The following ANKRD62 variants were observed in gnomAD, a reference collection of about 807,000 sequenced individuals.
ANKRD62 encodes ankyrin repeat domain 62.
A neutral mutation model predicts 98.8 loss-of-function variants in ANKRD62; 61 were observed. The observed-to-expected ratio is 0.62, with a 90% CI of 0.50 to 0.76. The LOEUF (loss-of-function observed/expected upper bound fraction) is 0.76, where lower values mean the gene tolerates loss of function less well. ANKRD62 is among the 30% of genes least tolerant of loss of function. The pLI, the probability that ANKRD62 is intolerant of heterozygous loss-of-function variation, is 0.00. For missense variants in ANKRD62, 933 were observed against 1,082.9 expected, an observed-to-expected ratio of 0.86 and a Z score of 1.94; for synonymous variants, 341 against 367.9, an observed-to-expected ratio of 0.93 and a Z score of 0.84.
chr18:12,136,026 A>G, the ANKRD62 span, among the ~76,000 whole-genome samples: 163 of 152,146 alleles, frequency 1.1e-3, no homozygotes, highest in African/African-American at 3.8e-3. Flanking sequence ...TTCTTTTGCT[A>G]TGCAGAAGCT....
chr18:12,140,440 C>T, the ANKRD62 span, among the ~76,000 whole-genome samples: 7 of 151,906 alleles, frequency 4.6e-5, no homozygotes, highest in Non-Finnish European at 7.4e-5. Flanking sequence ...TTAAAGTTTC[C>T]GGTTTTTCTG....
At chr18:12,101,820 C>G (rs1030120078) in intron 6 of ANKRD62, among the ~76,000 whole-genome samples, 4 of 152,188 alleles carry the variant, frequency 2.6e-5, no homozygotes, top group African/African-American at 9.6e-5. Context: ...TAATTCCTCT[C>G]AAACCTTTTC....
chr18:12,123,004 CAGAGT>C (rs1390577253), intron 11 of ANKRD62, among the ~76,000 whole-genome samples: 2 of 150,102 alleles, frequency 1.3e-5, no homozygotes, highest in Non-Finnish European at 3.0e-5. Flanking sequence ...TTTCTCCACC[CAGAGT>C]AATTATTTTT....
chr18:12,171,921 C>A, the ANKRD62 span, among the ~76,000 whole-genome samples: 2 of 152,184 alleles, frequency 1.3e-5, no homozygotes, highest in African/African-American at 4.8e-5. Context: ...TCCACTTGAT[C>A]GAATTGGCCA....
At position 12,115,977 on chromosome 18, in the gene ANKRD62, A is replaced by G. The variant is rs79308774; in HGVS notation, c.1240+443A>G. Among the ~76,000 whole-genome samples, 543 of 152,256 alleles carry G rather than the reference A, an allele frequency of 3.6e-3. 2 individuals are homozygous for G. The highest frequency in any genetic ancestry group is 0.012 in the African/African-American group (507 of 41,564). On this transcript the variant is annotated intron_variant, in intron 10 of 13. Transcript: ENST00000587848. ...CACCCAACTGCCACTTGTCATTGCT[A>G]TAAGGTAAAGATGACAATGCTCTAG...
the ANKRD62 span, among the ~76,000 whole-genome samples, chr18:12,141,017 T>A: frequency 6.6e-6 from 1 of 152,120 alleles, no homozygotes; most frequent in Non-Finnish European, 1.5e-5. Flanking sequence ...TCGAGCTTCC[T>A]GGCTGCTTTG....
chr18:12,099,981 T>G (rs1378360284), intron 6 of ANKRD62, among the ~76,000 whole-genome samples: 1 of 152,164 alleles, frequency 6.6e-6, no homozygotes, highest in Non-Finnish European at 1.5e-5. Context: ...TATGTTTTCT[T>G]TATAGTCACC....
At chr18:12,163,080 C>G in the ANKRD62 span, among the ~76,000 whole-genome samples, 5 of 152,172 alleles carry the variant, frequency 3.3e-5, no homozygotes, top group African/African-American at 1.2e-4. Flanking sequence ...AGAGGGATTG[C>G]ATTGAATCTG....
At chr18:12,139,236 CTGG>C in the ANKRD62 span, among the ~76,000 whole-genome samples, 4 of 152,126 alleles carry the variant, frequency 2.6e-5, no homozygotes, top group African/African-American at 9.7e-5. Context: ...TAGGGCAGGC[CTGG>C]TGGTGACAAA....
downstream of ANKRD62, among the ~76,000 whole-genome samples, chr18:12,132,719 G>T (rs1910023550): frequency 6.6e-6 from 1 of 151,876 alleles, no homozygotes; most frequent in Non-Finnish European, 1.5e-5. Flanking sequence ...TGCTTTTTCT[G>T]CATCTAATAC....
intron 8 of ANKRD62, among the ~76,000 whole-genome samples, chr18:12,110,000 GCA>G (rs1458345530): frequency 6.7e-6 from 1 of 150,244 alleles, no homozygotes; most frequent in Non-Finnish European, 1.5e-5. Flanking sequence ...GCTGAATTTG[GCA>G]CACACTATTA....
chr18:12,151,298 G>A, the ANKRD62 span, among the ~76,000 whole-genome samples: 1,683 of 152,288 alleles, frequency 0.011, 22 homozygotes, highest in Middle Eastern at 0.058. Flanking sequence ...CGAGTTCTTA[G>A]AGATCTACAA....
At chr18:12,152,685 C>T in the ANKRD62 span, among the ~76,000 whole-genome samples, 1 of 152,092 alleles carries the variant, frequency 6.6e-6, no homozygotes, top group Admixed American at 6.6e-5. Flanking sequence ...ACAAGGATAC[C>T]CTCTCTCACC....
At chr18:12,162,978 G>A in the ANKRD62 span, among the ~76,000 whole-genome samples, 1 of 152,052 alleles carries the variant, frequency 6.6e-6, no homozygotes, top group South Asian at 2.1e-4. Context: ...TGTTTACTTA[G>A]GATAGCTTTG....
At chr18:12,163,380 G>T in the ANKRD62 span, among the ~76,000 whole-genome samples, 1 of 151,984 alleles carries the variant, frequency 6.6e-6, no homozygotes, top group Non-Finnish European at 1.5e-5. Flanking sequence ...CAATTTGTTT[G>T]TCAGTTCTAA....
chr18:12,099,715 G>T, intron 6 of ANKRD62, 33 bp downstream of exon 6: 1 of 1,269,130 alleles, frequency 7.9e-7, no homozygotes, highest in Non-Finnish European at 1.0e-6. Context: ...CCTCTCGATG[G>T]TCCTGTCATA....
the ANKRD62 span, among the ~76,000 whole-genome samples, chr18:12,162,904 C>T: frequency 1.3e-5 from 2 of 151,828 alleles, no homozygotes; most frequent in Non-Finnish European, 2.9e-5. Context: ...ACAATTCTCT[C>T]TTGGTTATTA....
chr18:12,162,918 C>T, the ANKRD62 span, among the ~76,000 whole-genome samples: 12 of 152,112 alleles, frequency 7.9e-5, no homozygotes, highest in African/African-American at 2.9e-4. Flanking sequence ...GTTATTATAG[C>T]TCTGTTGCAT....
the ANKRD62 span, among the ~76,000 whole-genome samples, chr18:12,153,080 G>C: frequency 6.6e-6 from 1 of 152,088 alleles, no homozygotes; most frequent in African/African-American, 2.4e-5. Flanking sequence ...TAAATATTTA[G>C]GAATATAGCT....
Sources: allele counts gnomAD v4.1 joint callset (sites outside exome capture counted in the v4.1 genomes callset), GRCh38; gene constraint gnomAD v4.1.1; transcripts MANE v1.5; gene names NCBI Gene and HGNC (gene_info 2026-07-23, HGNC 2026-07-21).